The following GPR153 variants were observed in gnomAD, a reference collection of about 807,000 sequenced individuals.
The protein encoded by GPR153 is G protein-coupled receptor 153.
GPR153 carries 27 observed loss-of-function variants against 34.1 expected under a neutral mutation model. The ratio of observed to expected loss-of-function variants is 0.79; its 90% confidence interval spans 0.58 to 1.09. The LOEUF is 1.09. Ranked by LOEUF, GPR153 falls within the 50% of genes least tolerant of loss-of-function variation. The pLI is 0.00. For missense variants in GPR153, 848 were observed against 860.2 expected (o/e 0.99, Z 0.18); for synonymous variants, 408 against 405.4 (o/e 1.01, Z -0.08).
In GPR153 at chr1:6,254,009, C is replaced by T. The variant is rs1173742857; in HGVS notation, c.495G>A (p.Val165=). 6.2e-7 allele frequency: 1 copy of T among 1,613,374 alleles called. No individual in the cohort carries two copies. The highest frequency in any genetic ancestry group is 8.5e-7 in the Non-Finnish European group (1 of 1,180,006). The change falls in exon 3 of 6, where the codon GTG becomes GTA. Residue 165 remains valine (V), a synonymous_variant. Transcript: ENST00000377893. Reference sequence around the variant, plus strand: ...CGCCAAAGCCCAGGCCGATCTCAGCCACGATGAAGCGGCAGCCATGGGTGT... The same window carrying T: ...CGCCAAAGCCCAGGCCGATCTCAGCTACGATGAAGCGGCAGCCATGGGTGT... ...RFYTHGCRFI[V]AEIGLGFGVC... is the part of the protein sequence containing the mutation.
At position 6,251,357 on chromosome 1, in the gene GPR153, G is replaced by A. The variant is rs372152038; in HGVS notation, c.960C>T (p.Asn320=). ...VREKCMALMA[N]DEESDDETSL... is the part of the protein sequence containing the mutation. Reference sequence around the variant, plus strand: ...CCTCACCATCGTCTGACTCCTCGTCGTTGGCCATGAGGGCCATGCACTTCT... The same window carrying A: ...CCTCACCATCGTCTGACTCCTCGTCATTGGCCATGAGGGCCATGCACTTCT... Residue 320 remains asparagine (N), a synonymous_variant, in exon 4 of 6, where the codon AAC becomes AAT. Transcript: ENST00000377893. The surrounding 1 kb of genome is among the most constrained non-coding windows in gnomAD (Gnocchi z 4.9). 6.9e-5 allele frequency: 111 copies of A among 1,608,512 alleles called. No individual in the cohort carries two copies. The highest frequency in any genetic ancestry group is 4.3e-4 in the African/African-American group (32 of 74,820).
At chr1:6,253,652 C>T in intron 3 of GPR153, 66 bp downstream of exon 3, 11 of 1,384,162 alleles carry the variant, frequency 7.9e-6, no homozygotes, top group Non-Finnish European at 9.8e-7. Context: ...CCACCTGATG[C>T]CTGGAGTATG....
At position 6,259,497 on chromosome 1, in the gene GPR153, A is replaced by ATTTT. The variant is rs3035676; in HGVS notation, c.-110+1324_-110+1327dup. 6.4e-3 allele frequency among the ~76,000 whole-genome samples: 922 copies of ATTTT among 144,172 alleles called. 11 individuals are homozygous for ATTTT. The highest frequency in any genetic ancestry group is 0.023 in the African/African-American group (883 of 39,144). 94.6% of individuals were successfully genotyped at this position (144,172 alleles called of 152,430 possible). A position where few individuals can be genotyped will look rare whatever the true frequency, so the allele number is the denominator to read the frequency against. Reference sequence around the variant, plus strand: ...ACCCTAAAATGTTGGGGAAAAGGGCATTTTTTTTTTTTTTGTCCCTAGAGC... The same window carrying ATTTT: ...ACCCTAAAATGTTGGGGAAAAGGGCATTTTTTTTTTTTTTTTTTGTCCCTAGAGC... On this transcript the variant is annotated intron_variant, in intron 1 of 5. Transcript: ENST00000377893.
In GPR153 at chr1:6,249,308, C is replaced by A. The variant is rs1638376839; in HGVS notation, c.*30G>T. The A allele has an allele frequency of 8.0e-7, 1 of 1,252,184 alleles. No homozygotes were observed. Among genetic ancestry groups the A allele is most frequent in the Admixed American group, 4.1e-5 (1 of 24,316 alleles). 77.6% of individuals were successfully genotyped at this position (1,252,184 alleles called of 1,614,324 possible). A position where few individuals can be genotyped will look rare whatever the true frequency, so the allele number is the denominator to read the frequency against. ...CGGCCCCGGAGAGCGGCCTGGCCTG[C>A]CTGGCGTCCGTGGGGAGGCGCCGGC... On this transcript the variant is annotated 3_prime_UTR_variant, in exon 6 of 6. Coordinates refer to ENST00000377893, the MANE Select transcript of GPR153 (RefSeq NM_207370.4). This position sits in a 1 kb window ranked among gnomAD's most constrained non-coding sequence, Gnocchi z 4.3.
chr1:6,254,712 G>A lies in GPR153; in HGVS notation c.194C>T (p.Ser65Phe), dbSNP rs1638526158. Reference protein sequence around the residue: ...LNVAVPIATYSVVQLRRQRPD... With the variant: ...LNVAVPIATYFVVQLRRQRPD... ...GCGCTGCCGCCGCAGCTGCACCACG[G>A]AGTAGGTGGCGATGGGCACGGCCAC... is the stretch of plus-strand genomic sequence containing the variant. The change falls in exon 2 of 6, where the codon TCC becomes TTC. Residue 65 changes from serine (S) to phenylalanine (F), a missense_variant. Coordinates refer to ENST00000377893, the MANE Select transcript of GPR153 (RefSeq NM_207370.4). 2.5e-6 allele frequency: 4 copies of A among 1,613,890 alleles called. No individual in the cohort carries two copies. The highest frequency in any genetic ancestry group is 1.1e-5 in the South Asian group (1 of 91,068).
In GPR153 at chr1:6,249,406, G is replaced by C. The variant is rs1638379878; in HGVS notation, c.1762C>G (p.Leu588Val). ...CCCGAGGACTCGGAGGGGGAACTCA[G>C]GAAGCTGCTGGTGCTGCCGCCGCCG... The part of the protein sequence containing the change: ...AGGGGSTSSF[L>V]SSPSESSGYA... Residue 588 changes from leucine (L) to valine (V), a missense_variant, in exon 6 of 6, where the codon CTG becomes GTG. Coordinates refer to ENST00000377893, the MANE Select transcript of GPR153 (RefSeq NM_207370.4). The surrounding 1 kb of genome is among the most constrained non-coding windows in gnomAD (Gnocchi z 4.3). 7.2e-7 allele frequency: 1 copy of C among 1,380,404 alleles called. No homozygotes were observed. The allele number at this position is 1,380,404 out of a possible 1,614,324, so 85.5% of individuals were successfully genotyped here. A position where few individuals can be genotyped will look rare whatever the true frequency, so the allele number is the denominator to read the frequency against.
Position 6,254,492 on chromosome 1 carries a change from T to C in GPR153, c.356+58A>G, listed in dbSNP as rs1638519385. 4 of 1,412,238 alleles carry C rather than the reference T, an allele frequency of 2.8e-6. No homozygotes were observed. The South Asian group carries it at 4.1e-5, about 14-fold the overall frequency. The allele number at this position is 1,412,238 out of a possible 1,614,324, so 87.5% of individuals were successfully genotyped here. On this transcript the variant is annotated intron_variant, in intron 2 of 5. Coordinates refer to ENST00000377893, the MANE Select transcript of GPR153 (RefSeq NM_207370.4). ...TGTGTGCGCATGGGCACACCAGATA[T>C]GTCTTTGTTTTCACGCCTGCTTAGA...
In GPR153 at chr1:6,249,403, T is replaced by A; in HGVS notation, c.1765A>T (p.Ser589Cys). Residue 589 changes from serine to cysteine, a missense_variant, in exon 6 of 6, where the codon AGT (serine) becomes TGT (cysteine). By Grantham distance (112) the Ser-to-Cys change is moderately radical (BLOSUM62 -1). Transcript: ENST00000377893. The surrounding 1 kb of genome is among the most constrained non-coding windows in gnomAD (Gnocchi z 4.3). ...TAGCCCGAGGACTCGGAGGGGGAAC[T>A]CAGGAAGCTGCTGGTGCTGCCGCCG... ...GGGGSTSSFLSSPSESSGYAT... is the reference protein window; with the variant it reads ...GGGGSTSSFLCSPSESSGYAT... The A allele has an allele frequency of 7.2e-7, 1 of 1,380,860 alleles. No individual in the cohort carries two copies. Among genetic ancestry groups the A allele is most frequent in the Non-Finnish European group, 9.3e-7 (1 of 1,072,340 alleles). 85.5% of individuals were successfully genotyped at this position (1,380,860 alleles called of 1,614,324 possible).
intron 5 of GPR153, 125 bp downstream of exon 5, chr1:6,250,315 C>T (rs1571237220): frequency 2.8e-6 from 4 of 1,448,884 alleles, no homozygotes; most frequent in South Asian, 1.5e-5. Context: ...AGCCCGTCCT[C>T]GGATGGTGAC....
In GPR153 at chr1:6,249,469, C is replaced by T. The variant is rs568629267; in HGVS notation, c.1699G>A (p.Ala567Thr). 3.2e-5 allele frequency: 42 copies of T among 1,322,094 alleles called. No individual in the cohort carries two copies. The East Asian group carries it at 1.3e-3, about 42-fold the overall frequency. The allele number at this position is 1,322,094 out of a possible 1,614,324, so 81.9% of individuals were successfully genotyped here. ...AGCCCCCCGGGCTCGCCCCACGACG[C>T]GCTCAGGCCGGGGCGCAGAGAGCCG... ...HAGSLRPGLS[A>T]SWGEPGGLRA... Residue 567 changes from alanine to threonine, a missense_variant, in exon 6 of 6, where the codon GCG becomes ACG. Coordinates refer to ENST00000377893, the MANE Select transcript of GPR153 (RefSeq NM_207370.4). This position sits in a 1 kb window ranked among gnomAD's most constrained non-coding sequence, Gnocchi z 4.3.
chr1:6,259,944 G>A (rs538349355), intron 1 of GPR153, among the ~76,000 whole-genome samples: 178 of 151,598 alleles, frequency 1.2e-3, no homozygotes, highest in African/African-American at 4.0e-3. Context: ...GTCTTCTGCT[G>A]GGAAGTTTCT....
intron 1 of GPR153, among the ~76,000 whole-genome samples, chr1:6,255,602 G>A (rs1274384623): frequency 1.4e-5 from 2 of 140,950 alleles, no homozygotes; most frequent in African/African-American, 5.2e-5. Flanking sequence ...AGCCTTCCAA[G>A]TAGCTGGGAC....
chr1:6,251,864 T>G lies in GPR153; in HGVS notation c.787-334A>C, dbSNP rs193142235. Among the ~76,000 whole-genome samples, 69 of 152,284 alleles carry G rather than the reference T, an allele frequency of 4.5e-4. No homozygotes were observed. The East Asian group carries it at 0.012, about 26-fold the overall frequency. On this transcript the variant is annotated intron_variant, in intron 3 of 5. Coordinates refer to ENST00000377893, the MANE Select transcript of GPR153 (RefSeq NM_207370.4). The surrounding 1 kb of genome is among the most constrained non-coding windows in gnomAD (Gnocchi z 4.9). ...AGGCTGGAGTGCAGTGGCTCAATCA[T>G]GGCTCACTGCAGCCTCCATCTCCTG...
At chr1:6,260,656 T>G (rs1179371605) in intron 1 of GPR153, among the ~76,000 whole-genome samples, 169 bp downstream of exon 1, 1 of 151,746 alleles carries the variant, frequency 6.6e-6, no homozygotes, top group Non-Finnish European at 1.5e-5. Context: ...CCAGGGAAGT[T>G]ACCCCGAAGG....
In GPR153 at chr1:6,253,923, G is replaced by A. The variant is rs1638505452; in HGVS notation, c.581C>T (p.Ala194Val). 3 of 1,610,902 alleles carry A rather than the reference G, an allele frequency of 1.9e-6. No individual in the cohort carries two copies. Among genetic ancestry groups the A allele is most frequent in the Admixed American group, 1.7e-5 (1 of 59,646 alleles). ...VAMGVICTAI[A>V]LFQTLAVQVG... ...CTGCACGGCCAGCGTCTGGAAGAGG[G>A]CGATGGCTGTGCAGATCACGCCCAT... The change falls in exon 3 of 6, where the codon GCC (alanine) becomes GTC (valine). Residue 194 changes from alanine (A) to valine (V), a missense_variant. Physicochemically the swap from Ala to Val is moderately conservative, Grantham distance 64. Coordinates refer to ENST00000377893, the MANE Select transcript of GPR153 (RefSeq NM_207370.4).
chr1:6,250,747 T>G, intron 4 of GPR153, 123 bp from the exon 5 acceptor site: 49 of 547,308 alleles, frequency 9.0e-5, no homozygotes, highest in East Asian at 1.3e-4. Context: ...GGTAGGGGGC[T>G]GGTTAGCTGA....
chr1:6,258,440 C>T (rs1167556924), intron 1 of GPR153, among the ~76,000 whole-genome samples: 1 of 152,154 alleles, frequency 6.6e-6, no homozygotes, highest in Non-Finnish European at 1.5e-5. Context: ...TGTGCTGTCT[C>T]TTATGGGCCA....
In GPR153 at chr1:6,251,320, C is replaced by G; in HGVS notation, c.979+18G>C. ...CTAGACGCCACTCTCCCTGGGGCCA[C>G]TCTCAGGCCATCCTCACCATCGTCT... On this transcript the variant is annotated intron_variant, in intron 4 of 5. Coordinates refer to ENST00000377893, the MANE Select transcript of GPR153 (RefSeq NM_207370.4). This position sits in a 1 kb window ranked among gnomAD's most constrained non-coding sequence, Gnocchi z 4.9. The G allele has an allele frequency of 6.3e-7, 1 of 1,585,124 alleles. No individual in the cohort carries two copies.
At chr1:6,255,642 GTTTTTTTTTTTTTTTTT>G (rs59403526) in intron 1 of GPR153, among the ~76,000 whole-genome samples, 16 of 38,840 alleles carry the variant, frequency 4.1e-4, no homozygotes, top group Admixed American at 4.9e-4. Flanking sequence ...GCCTGGCTAC[GTTTTTTTTTTTTTTTTT>G]TTTTTTTTTT....
Sources: gnomAD v4.1 joint callset for allele counts (sites outside exome capture counted in the v4.1 genomes callset) on GRCh38, gnomAD v4.1.1 for gene constraint, Gnocchi (gnomAD v3.1) non-coding constraint, MANE v1.5 for transcripts, NCBI Gene and HGNC (gene_info 2026-07-23, HGNC 2026-07-21) for gene names.